LPCAT2: variants seen among roughly 807,000 people sequenced by gnomAD.
The protein encoded by LPCAT2 is lysophosphatidylcholine acyltransferase 2, also known as 1-AGP acyltransferase 11.
A neutral mutation model predicts 64.7 loss-of-function variants in LPCAT2; 58 were observed. The ratio of observed to expected loss-of-function variants is 0.90; its 90% CI spans 0.73 to 1.12. The LOEUF (loss-of-function observed/expected upper bound fraction) is 1.12. Among genes scored for constraint, LPCAT2 ranks in the 50% most tolerant of loss-of-function variants. LPCAT2 has a pLI of 0.00. For synonymous variants in LPCAT2, 252 were observed against 245.3 expected (o/e 1.03, Z -0.26); for missense variants, 579 against 669.8 (o/e 0.86, Z 1.50).
At chr16:55,528,279 C>A in intron 2 of LPCAT2, 98 bp from the exon 3 acceptor site, 1 of 832,750 alleles carries the variant, frequency 1.2e-6, no homozygotes, top group Non-Finnish European at 1.9e-6. Flanking sequence ...ATATGAAATA[C>A]TCTGACATGT....
chr16:55,557,464 T>C (rs1963590035), intron 11 of LPCAT2, among the ~76,000 whole-genome samples: 1 of 152,206 alleles, frequency 6.6e-6, no homozygotes, highest in Non-Finnish European at 1.5e-5. Flanking sequence ...GAGGGAAGTT[T>C]GATGGGAAAG....
At chr16:55,553,025 C>CA (rs1963534809) in intron 11 of LPCAT2, among the ~76,000 whole-genome samples, 1 of 136,342 alleles carries the variant, frequency 7.3e-6, no homozygotes, top group Non-Finnish European at 1.6e-5. Context: ...TTCCTGAGGT[C>CA]AGGAATTTGA....
chr16:55,537,462 A>G, intron 7 of LPCAT2, 116 bp from the exon 8 acceptor site: 1 of 773,962 alleles, frequency 1.3e-6, no homozygotes, highest in Non-Finnish European at 2.1e-6. Context: ...TTATAAATGC[A>G]AAATATATGT....
rs1164102261 is a variant in LPCAT2, at chr16:55,583,169, T to C, written c.*71T>C. 1.2e-5 allele frequency: 13 copies of C among 1,116,994 alleles called. No homozygotes were observed. The highest frequency in any genetic ancestry group is 1.6e-5 in the African/African-American group (1 of 63,658). The allele number at this position is 1,116,994 out of a possible 1,614,324, so 69.2% of individuals were successfully genotyped here. ...TTGTAAAGGCACTTATTGATAATACTTTTAATGTGTTGGTAATGATGTTTA... is the reference window on the plus strand; with the variant it reads ...TTGTAAAGGCACTTATTGATAATACCTTTAATGTGTTGGTAATGATGTTTA... On this transcript the variant is annotated 3_prime_UTR_variant, in exon 14 of 14. Transcript: ENST00000262134.
In LPCAT2 at chr16:55,579,187, G is replaced by A. The variant is rs1963862481; in HGVS notation, c.1393G>A (p.Asp465Asn). The change falls in exon 13 of 14, where the codon GAC becomes AAC. Residue 465 changes from aspartate to asparagine, a missense_variant. By Grantham distance (23) the Asp-to-Asn change is conservative. Coordinates refer to ENST00000262134, the MANE Select transcript of LPCAT2 (RefSeq NM_017839.5). ...TILQASLGVP[D>N]LDVSGLFKEI... ...TCTACAGGCTTCCCTTGGAGTGCCT[G>A]ACCTTGATGTTTCTGGTCTCTTCAA... is the stretch of plus-strand genomic sequence containing the variant. 6.2e-7 allele frequency: 1 copy of A among 1,613,430 alleles called. No individual in the cohort carries two copies. The highest frequency in any genetic ancestry group is 1.3e-5 in the African/African-American group (1 of 74,966).
At chr16:55,529,574 A>G (rs1354399847) in intron 3 of LPCAT2, among the ~76,000 whole-genome samples, 4 of 152,220 alleles carry the variant, frequency 2.6e-5, no homozygotes, top group Non-Finnish European at 4.4e-5. Context: ...CAATTGAGGA[A>G]GAAGACCTTT....
At chr16:55,511,243 C>G (rs1031086319) in intron 1 of LPCAT2, among the ~76,000 whole-genome samples, 2 of 152,096 alleles carry the variant, frequency 1.3e-5, no homozygotes, top group Non-Finnish European at 2.9e-5. Context: ...TTAAAATTTA[C>G]TACTTGGATT....
chr16:55,550,067 C>T (rs1963498487), intron 10 of LPCAT2, among the ~76,000 whole-genome samples: 1 of 152,066 alleles, frequency 6.6e-6, no homozygotes, highest in South Asian at 2.1e-4. Context: ...GAACCAGTTA[C>T]TATATCAAAG....
intron 10 of LPCAT2, among the ~76,000 whole-genome samples, chr16:55,550,037 C>G (rs8049147): frequency 0.087 from 13,265 of 152,128 alleles, 824 homozygotes; most frequent in African/African-American, 0.17. Flanking sequence ...AATTAACATC[C>G]TGTCTATGAA....
At chr16:55,540,133 T>C (rs1963377958) in intron 8 of LPCAT2, 1 of 152,162 alleles carries the variant, frequency 6.6e-6, no homozygotes, top group African/African-American at 2.4e-5. Context: ...AATATTTTCT[T>C]ACCACCTCTT....
At chr16:55,577,166 T>G (rs796604704) in intron 12 of LPCAT2, among the ~76,000 whole-genome samples, 68 of 152,294 alleles carry the variant, frequency 4.5e-4, no homozygotes, top group African/African-American at 1.5e-3. Context: ...ATCCCCTAAC[T>G]AGGCACTGAG....
intron 8 of LPCAT2, among the ~76,000 whole-genome samples, chr16:55,542,256 C>T (rs1180320699): frequency 1.3e-5 from 2 of 152,004 alleles, no homozygotes; most frequent in African/African-American, 4.8e-5. Flanking sequence ...GAGATGTTAA[C>T]CTGAGAAACA....
chr16:55,558,050 G>T (rs928164478), intron 11 of LPCAT2, among the ~76,000 whole-genome samples: 2 of 152,072 alleles, frequency 1.3e-5, no homozygotes, highest in East Asian at 1.9e-4. Flanking sequence ...GTTTAATTTC[G>T]CTTCTTTATT....
chr16:55,560,441 T>C (rs1963623289), intron 11 of LPCAT2, among the ~76,000 whole-genome samples: 1 of 152,092 alleles, frequency 6.6e-6, no homozygotes, highest in African/African-American at 2.4e-5. Flanking sequence ...ACTTAATAGG[T>C]TGCAGTCACC....
chr16:55,525,401 G>T, intron 1 of LPCAT2, 107 bp from the exon 2 acceptor site: 1 of 913,054 alleles, frequency 1.1e-6, no homozygotes, highest in Non-Finnish European at 1.7e-6. Flanking sequence ...ATTCATCCTT[G>T]ACTGAATGCA....
At chr16:55,571,237 C>A (rs2142417796) in intron 11 of LPCAT2, among the ~76,000 whole-genome samples, 1 of 152,142 alleles carries the variant, frequency 6.6e-6, no homozygotes, top group East Asian at 1.9e-4. Flanking sequence ...GAATCAGACA[C>A]ATGAGAATCA....
chr16:55,581,936 T>C (rs1963890987), intron 13 of LPCAT2, among the ~76,000 whole-genome samples: 1 of 152,194 alleles, frequency 6.6e-6, no homozygotes, highest in Admixed American at 6.5e-5. Flanking sequence ...GGAGGTCTTG[T>C]GGTATGATTA....
At chr16:55,575,170 T>C (rs931827515) in intron 12 of LPCAT2, among the ~76,000 whole-genome samples, 4 of 152,180 alleles carry the variant, frequency 2.6e-5, no homozygotes, top group Non-Finnish European at 5.9e-5. Context: ...GTTTTGGCAT[T>C]GTGGCGTCAG....
chr16:55,563,703 C>G (rs1041930581), intron 11 of LPCAT2, among the ~76,000 whole-genome samples: 4 of 151,750 alleles, frequency 2.6e-5, no homozygotes, highest in African/African-American at 9.7e-5. Flanking sequence ...AGTGCCCCAA[C>G]ATAATAAACA....
Sources: gnomAD v4.1 joint callset for allele counts (sites outside exome capture counted in the v4.1 genomes callset) on GRCh38, gnomAD v4.1.1 for gene constraint, MANE v1.5 for transcripts, NCBI Gene and HGNC (gene_info 2026-07-23, HGNC 2026-07-21) for gene names.